The following AP1S3 variants were observed in gnomAD, a reference collection of about 807,000 sequenced individuals.
AP1S3 encodes the protein AP-1 complex subunit sigma-3.
In AP1S3, 10 loss-of-function variants were observed where a neutral mutation model predicts 20.9. The ratio of observed to expected loss-of-function variants is 0.48; its 90% CI spans 0.29 to 0.81. AP1S3 has a LOEUF of 0.81. AP1S3 is among the 30% of genes least tolerant of loss of function. AP1S3 has a pLI of 0.08. For synonymous variants in AP1S3, 41 were observed against 61.5 expected, an observed-to-expected ratio of 0.67 and a Z score of 1.56; for missense variants, 154 against 183.8, an observed-to-expected ratio of 0.84 and a Z score of 0.94.
intron 1 of AP1S3, among the ~76,000 whole-genome samples, chr2:223,779,515 C>T (rs1029024323): frequency 1.8e-4 from 28 of 152,096 alleles, no homozygotes; most frequent in African/African-American, 5.1e-4. Context: ...TCTCAATCCA[C>T]GGTATCAGAA....
In AP1S3 at chr2:223,837,578, A is replaced by G. The variant is rs1475864545; in HGVS notation, c.-128T>C. ...CCGGCTTAGACCATGGCTGCTTCCC[A>G]CAATGCCCTGGCACTGAAAGTGTGC... On this transcript the variant is annotated 5_prime_UTR_variant, in exon 1 of 5. Transcript: ENST00000396654. The G allele has an allele frequency of 1.7e-5, 9 of 531,094 alleles. No individual in the cohort carries two copies. The highest frequency in any genetic ancestry group is 8.6e-6 in the Non-Finnish European group (3 of 348,844). The allele number at this position is 531,094 out of a possible 1,614,324, so 32.9% of individuals were successfully genotyped here.
chr2:223,835,918 T>C (rs888695621), intron 1 of AP1S3, among the ~76,000 whole-genome samples: 18 of 152,222 alleles, frequency 1.2e-4, no homozygotes, highest in Admixed American at 1.1e-3. Context: ...ACTGGTGGAC[T>C]GGGCATCTGT....
At chr2:223,830,481 A>ATC (rs1227299805) in intron 1 of AP1S3, among the ~76,000 whole-genome samples, 15 of 148,374 alleles carry the variant, frequency 1.0e-4, no homozygotes, top group Admixed American at 3.4e-4. Flanking sequence ...TCTCTCTCAA[A>ATC]AAAAAAAAAA....
intron 1 of AP1S3, among the ~76,000 whole-genome samples, chr2:223,830,800 C>G (rs1425636328): frequency 5.9e-5 from 9 of 152,130 alleles, no homozygotes. Context: ...GGTCCATGCC[C>G]CATCGCACTG....
At chr2:223,778,116 T>G (rs571135586) in intron 1 of AP1S3, among the ~76,000 whole-genome samples, 11 of 151,428 alleles carry the variant, frequency 7.3e-5, no homozygotes, top group African/African-American at 2.4e-4. Context: ...TTTTTGTTTT[T>G]TTTGTTTGTT....
chr2:223,781,429 C>T (rs1052204956), intron 1 of AP1S3, among the ~76,000 whole-genome samples: 13 of 151,558 alleles, frequency 8.6e-5, no homozygotes, highest in Non-Finnish European at 2.9e-5. Flanking sequence ...CACTATAACA[C>T]AGGTATAAAC....
At chr2:223,796,854 G>C (rs1319823245) in intron 1 of AP1S3, among the ~76,000 whole-genome samples, 4 of 152,152 alleles carry the variant, frequency 2.6e-5, no homozygotes, top group African/African-American at 9.7e-5. Flanking sequence ...AGTAGAAACT[G>C]GGCTTCACCA....
intron 1 of AP1S3, among the ~76,000 whole-genome samples, chr2:223,778,539 G>A (rs1214540963): frequency 6.6e-6 from 1 of 151,852 alleles, no homozygotes; most frequent in East Asian, 1.9e-4. Flanking sequence ...CAAAAAAAAA[G>A]TGTTAAGAAC....
chr2:223,820,266 C>T (rs954545031), intron 1 of AP1S3, among the ~76,000 whole-genome samples: 1 of 152,014 alleles, frequency 6.6e-6, no homozygotes, highest in African/African-American at 2.4e-5. Context: ...TTGAAGTTTT[C>T]GCATTTAGGT....
chr2:223,808,053 C>A (rs1473690499), intron 1 of AP1S3, among the ~76,000 whole-genome samples: 1 of 151,738 alleles, frequency 6.6e-6, no homozygotes, highest in African/African-American at 2.4e-5. Context: ...CCACGCCCAG[C>A]TAATTTTTGT....
intron 1 of AP1S3, among the ~76,000 whole-genome samples, chr2:223,824,824 C>T (rs1193906816): frequency 6.6e-5 from 10 of 152,184 alleles, no homozygotes; most frequent in Admixed American, 6.6e-4. Context: ...CGTAAGCCAC[C>T]GCAACTGGCC....
chr2:223,817,510 A>C, intron 1 of AP1S3, among the ~76,000 whole-genome samples: 1 of 149,960 alleles, frequency 6.7e-6, no homozygotes, highest in South Asian at 2.1e-4. Context: ...CGGGAGGCTG[A>C]GGCAGGAGAA....
intron 1 of AP1S3, among the ~76,000 whole-genome samples, chr2:223,834,348 T>C (rs1692347870): frequency 1.3e-5 from 2 of 152,100 alleles, no homozygotes; most frequent in Admixed American, 1.3e-4. Context: ...CTCAGCACTT[T>C]GGGAGGACAA....
intron 1 of AP1S3, among the ~76,000 whole-genome samples, chr2:223,778,345 C>A (rs540107484): frequency 6.6e-6 from 1 of 151,942 alleles, no homozygotes; most frequent in African/African-American, 2.4e-5. Context: ...AGGCTGGTCT[C>A]GAACTCCTGA....
intron 1 of AP1S3, among the ~76,000 whole-genome samples, chr2:223,833,880 CTTTTTATTTATT>C (rs760910376): frequency 1.3e-3 from 166 of 130,620 alleles, no homozygotes; most frequent in Non-Finnish European, 2.2e-3. Flanking sequence ...CCTTTACACT[CTTTTTATTTATT>C]TATTTATTTA....
Position 223,757,042 on chromosome 2 carries a change from T to G in AP1S3, c.*1673A>C. 1.0e-6 allele frequency: 1 copy of G among 968,774 alleles called. No individual in the cohort carries two copies. Among genetic ancestry groups the G allele is most frequent in the Non-Finnish European group, 1.2e-6 (1 of 815,840 alleles). The allele number at this position is 968,774 out of a possible 1,614,324, so 60.0% of individuals were successfully genotyped here. ...GTCTTGCTCTGTCACCCGCCTGGAG[T>G]GCACTGGTATGACCTTGGCTCACTG... On this transcript the variant is annotated 3_prime_UTR_variant, in exon 5 of 5. Coordinates refer to ENST00000396654, the MANE Select transcript of AP1S3 (RefSeq NM_001039569.2).
At position 223,755,359 on chromosome 2, in the gene AP1S3, T is replaced by C. The variant is rs1690184607; in HGVS notation, c.*3356A>G. On this transcript the variant is annotated 3_prime_UTR_variant, in exon 5 of 5. Transcript: ENST00000396654. The stretch of plus-strand genomic sequence containing the variant: ...TAAAACATGTTAAAACATTTTATTT[T>C]GGAAGTTTTATAGAAATTTAACATT... Among the ~76,000 whole-genome samples, 1 of 152,152 alleles carries C rather than the reference T, an allele frequency of 6.6e-6. No individual in the cohort carries two copies. The highest frequency in any genetic ancestry group is 2.1e-4 in the South Asian group (1 of 4,830).
intron 1 of AP1S3, among the ~76,000 whole-genome samples, chr2:223,813,641 T>C (rs1691782248): frequency 6.6e-6 from 1 of 152,188 alleles, no homozygotes; most frequent in Admixed American, 6.5e-5. Flanking sequence ...AGAACATAGC[T>C]GAGCTAAATA....
chr2:223,778,098 TAA>T (rs1559279739), intron 1 of AP1S3, among the ~76,000 whole-genome samples: 3 of 151,702 alleles, frequency 2.0e-5, no homozygotes, highest in Admixed American at 6.6e-5. Flanking sequence ...AGGAGAAAAA[TAA>T]GTTTTTTTTT....
Sources: allele counts gnomAD v4.1 joint callset (sites outside exome capture counted in the v4.1 genomes callset), GRCh38; gene constraint gnomAD v4.1.1; transcripts MANE v1.5; gene names NCBI Gene and HGNC (gene_info 2026-07-23, HGNC 2026-07-21).